The following NDST4 variants were observed in gnomAD, a reference collection of about 807,000 sequenced individuals.
NDST4 encodes the protein N-heparan sulfate sulfotransferase 4.
Under a neutral mutation model 100.8 loss-of-function variants are expected in NDST4, and 63 were observed. The observed-to-expected ratio is 0.62, with a 90% CI of 0.51 to 0.77. NDST4 has a LOEUF of 0.77. Ranked by LOEUF, NDST4 falls within the 30% of genes least tolerant of loss-of-function variation. The pLI, the probability that NDST4 is intolerant of heterozygous loss-of-function variation, is 0.00. For synonymous variants in NDST4, 377 were observed against 361.8 expected, an observed-to-expected ratio of 1.04 and a Z score of -0.48; for missense variants, 943 against 1,018.4, an observed-to-expected ratio of 0.93 and a Z score of 1.01.
At position 114,990,233 on chromosome 4, in the gene NDST4, AG is replaced by A. The variant is rs551237347; in HGVS notation, c.979-12960del. On this transcript the variant is annotated intron_variant, in intron 2 of 13. Transcript: ENST00000264363. ...TGAAACAAATTTCTAATTTTACATA[AG>A]GAATCTAAAACAATGAAGAATAAAA... 3.2e-4 allele frequency among the ~76,000 whole-genome samples: 49 copies of A among 152,272 alleles called. 1 individual carries two copies. Among genetic ancestry groups the A allele is most frequent in the African/African-American group, 9.6e-4 (40 of 41,582 alleles).
At chr4:114,910,484 G>A (rs1578382704) in intron 6 of NDST4, among the ~76,000 whole-genome samples, 1 of 152,276 alleles carries the variant, frequency 6.6e-6, no homozygotes, top group South Asian at 2.1e-4. Context: ...TAGAGAAAAT[G>A]AGAACTTTTT....
At position 114,977,045 on chromosome 4, in the gene NDST4, A is replaced by G. The variant is rs576092651; in HGVS notation, c.1066+142T>C. 654 of 606,852 alleles carry G rather than the reference A, an allele frequency of 1.1e-3. 6 individuals are homozygous for G. The highest frequency in any genetic ancestry group is 0.01 in the African/African-American group (537 of 53,556). 37.6% of individuals were successfully genotyped at this position (606,852 alleles called of 1,614,324 possible). On this transcript the variant is annotated intron_variant, in intron 3 of 13. Transcript: ENST00000264363. ...TTTGCCAAGGTAAATATGCTCATTG[A>G]TTTTGGATTTGGCTACTCAAATAAT...
chr4:114,912,357 C>G (rs1725079218), intron 6 of NDST4, among the ~76,000 whole-genome samples: 1 of 152,144 alleles, frequency 6.6e-6, no homozygotes, highest in Non-Finnish European at 1.5e-5. Flanking sequence ...CTTTTCTACT[C>G]AAATCCTCAA....
At chr4:114,987,851 ATGTC>A (rs1455084876) in intron 2 of NDST4, among the ~76,000 whole-genome samples, 5 of 152,206 alleles carry the variant, frequency 3.3e-5, no homozygotes, top group Non-Finnish European at 7.3e-5. Context: ...CATTAAGTGA[ATGTC>A]TGATCATGGG....
chr4:115,082,267 T>C (rs1729320349), intron 1 of NDST4, among the ~76,000 whole-genome samples: 1 of 152,236 alleles, frequency 6.6e-6, no homozygotes. Flanking sequence ...TTGTTTTATA[T>C]ATCTGTTATA....
chr4:114,896,622 C>CGAA (rs1724719552), intron 6 of NDST4, among the ~76,000 whole-genome samples: 1 of 103,884 alleles, frequency 9.6e-6, no homozygotes, highest in Non-Finnish European at 2.1e-5. Context: ...GACTCCGTCT[C>CGAA]AAAAAAAAAA....
At chr4:114,834,061 AT>A (rs1243763976) in intron 11 of NDST4, among the ~76,000 whole-genome samples, 1 of 152,136 alleles carries the variant, frequency 6.6e-6, no homozygotes, top group Non-Finnish European at 1.5e-5. Context: ...CCAAATTCCT[AT>A]TAGCTAACCC....
chr4:115,023,438 T>C (rs1396590957), intron 2 of NDST4, among the ~76,000 whole-genome samples: 1 of 143,696 alleles, frequency 7.0e-6, no homozygotes, highest in Non-Finnish European at 1.5e-5. Context: ...TGAGCCGAGA[T>C]CGTGCCATTG....
intron 2 of NDST4, among the ~76,000 whole-genome samples, chr4:115,058,275 G>A (rs1728744939): frequency 6.6e-6 from 1 of 152,064 alleles, no homozygotes; most frequent in African/African-American, 2.4e-5. Context: ...TAATGTTAAT[G>A]ATATTCAATC....
At position 114,861,811 on chromosome 4, in the gene NDST4, G is replaced by A. The variant is rs566563521; in HGVS notation, c.1719+8957C>T. On this transcript the variant is annotated intron_variant, in intron 7 of 13. Transcript: ENST00000264363. ...TCATAAAGCCAATAGTTTCAGCACC[G>A]CTTACCATTCAGATCTCAACACAAA... Among the ~76,000 whole-genome samples the A allele has an allele frequency of 3.9e-5, 6 of 152,018 alleles. 1 individual carries two copies. In the East Asian group the frequency reaches 5.8e-4, roughly 15 times the overall value.
At chr4:114,909,860 C>T (rs1022117059) in intron 6 of NDST4, among the ~76,000 whole-genome samples, 1 of 151,858 alleles carries the variant, frequency 6.6e-6, no homozygotes, top group South Asian at 2.1e-4. Flanking sequence ...TATTTAAATG[C>T]CAGAAGAATT....
intron 6 of NDST4, among the ~76,000 whole-genome samples, chr4:114,875,544 T>C (rs963921302): frequency 1.3e-5 from 2 of 152,176 alleles, no homozygotes. Context: ...GTAAATATAA[T>C]TGAACTTTAT....
chr4:115,079,523 T>C (rs1729258763), intron 1 of NDST4, among the ~76,000 whole-genome samples: 1 of 152,180 alleles, frequency 6.6e-6, no homozygotes, highest in South Asian at 2.1e-4. Context: ...AGTACTTAAA[T>C]AATTTTCGAT....
intron 4 of NDST4, among the ~76,000 whole-genome samples, chr4:114,963,112 C>T (rs1180533862): frequency 6.6e-6 from 1 of 152,066 alleles, no homozygotes; most frequent in African/African-American, 2.4e-5. Flanking sequence ...CCTGAATGCT[C>T]ATAGCAGCAT....
intron 2 of NDST4, among the ~76,000 whole-genome samples, chr4:115,022,053 G>A (rs1423460846): frequency 6.8e-6 from 1 of 146,866 alleles, no homozygotes; most frequent in Non-Finnish European, 1.5e-5. Flanking sequence ...ATATCTCTAT[G>A]TTCCATATAT....
At chr4:115,039,743 A>G (rs1728310447) in intron 2 of NDST4, among the ~76,000 whole-genome samples, 1 of 152,176 alleles carries the variant, frequency 6.6e-6, no homozygotes, top group Non-Finnish European at 1.5e-5. Flanking sequence ...TGTGTGGTAT[A>G]TAATAACATT....
intron 1 of NDST4, among the ~76,000 whole-genome samples, chr4:115,094,437 T>G (rs898446234): frequency 6.6e-6 from 1 of 151,900 alleles, no homozygotes; most frequent in Admixed American, 6.6e-5. Flanking sequence ...TTGTAATAAA[T>G]AATAAGAGAA....
At chr4:114,959,311 T>G (rs925136786) in intron 4 of NDST4, among the ~76,000 whole-genome samples, 1 of 151,430 alleles carries the variant, frequency 6.6e-6, no homozygotes, top group Non-Finnish European at 1.5e-5. Flanking sequence ...CTAGCAGTAC[T>G]CCACTCTACT....
At chr4:114,937,167 T>G in intron 5 of NDST4, 151 bp downstream of exon 5, 2 of 822,288 alleles carry the variant, frequency 2.4e-6, no homozygotes, top group Non-Finnish European at 3.8e-6. Flanking sequence ...GATGGGTTAA[T>G]GCATAACCAG....
Sources: gnomAD v4.1 joint callset for allele counts (sites outside exome capture counted in the v4.1 genomes callset) on GRCh38, gnomAD v4.1.1 for gene constraint, MANE v1.5 for transcripts, NCBI Gene and HGNC (gene_info 2026-07-23, HGNC 2026-07-21) for gene names.